NETO2: variants seen among roughly 807,000 people sequenced by gnomAD.
NETO2 encodes neuropilin and tolloid like 2.
NETO2 carries 28 observed loss-of-function variants against 62.5 expected under a neutral mutation model. That is an observed-to-expected ratio of 0.45 (90% CI 0.33 to 0.61). The LOEUF is 0.61. Ranked by LOEUF, NETO2 falls within the 20% of genes least tolerant of loss-of-function variation. NETO2 has a pLI of 0.02. For synonymous variants in NETO2, 214 were observed against 219.1 expected (o/e 0.98, Z 0.21); for missense variants, 548 against 643.2 (o/e 0.85, Z 1.60).
rs1311655269 is a variant in NETO2, at chr16:47,079,865, G to T, written c.*3356C>A. On this transcript the variant is annotated 3_prime_UTR_variant, in exon 9 of 9. Transcript: ENST00000562435. ...TTGCAATAAGAGTATAATCTCCTTT[G>T]AGAATTATTCCTGAAATCACAACCA... 1 of 152,154 alleles carries T rather than the reference G, an allele frequency of 6.6e-6. No homozygotes were observed. Among genetic ancestry groups the T allele is most frequent in the Non-Finnish European group, 1.5e-5 (1 of 68,038 alleles). 9.4% of individuals were successfully genotyped at this position (152,154 alleles called of 1,614,324 possible). A position where few individuals can be genotyped will look rare whatever the true frequency, so the allele number is the denominator to read the frequency against.
chr16:47,111,806 T>C (rs1413425229), intron 6 of NETO2, among the ~76,000 whole-genome samples: 13 of 152,194 alleles, frequency 8.5e-5, no homozygotes, highest in Admixed American at 3.9e-4. Flanking sequence ...CAACACTAAT[T>C]AGATCATCTC....
At chr16:47,115,714 C>CATATATATATATACATATATAT (rs1555498121) in intron 6 of NETO2, among the ~76,000 whole-genome samples, 1 of 128,504 alleles carries the variant, frequency 7.8e-6, no homozygotes, top group African/African-American at 3.5e-5. Context: ...TATATATATA[C>CATATATATATATACATATATAT]ATATATATAT....
chr16:47,140,499 T>C (rs1185818337), intron 1 of NETO2, among the ~76,000 whole-genome samples: 1 of 152,238 alleles, frequency 6.6e-6, no homozygotes, highest in Non-Finnish European at 1.5e-5. Context: ...GGCTTTGATT[T>C]CAACTTGTTT....
chr16:47,110,566 T>C (rs972185048), intron 6 of NETO2, among the ~76,000 whole-genome samples: 1 of 152,190 alleles, frequency 6.6e-6, no homozygotes, highest in African/African-American at 2.4e-5. Flanking sequence ...TGCGTCCTTC[T>C]CATTCCATGA....
chr16:47,135,601 A>G (rs1964349908), intron 1 of NETO2, among the ~76,000 whole-genome samples: 1 of 152,154 alleles, frequency 6.6e-6, no homozygotes, highest in Admixed American at 6.5e-5. Context: ...CTCAGATGAT[A>G]AAAGACAGGT....
At chr16:47,100,512 G>A (rs1963518357) in intron 7 of NETO2, among the ~76,000 whole-genome samples, 1 of 152,032 alleles carries the variant, frequency 6.6e-6, no homozygotes, top group African/African-American at 2.4e-5. Flanking sequence ...ATGAGTCCAG[G>A]AGCTGGTTTT....
intron 6 of NETO2, among the ~76,000 whole-genome samples, chr16:47,119,692 T>A (rs1030760159): frequency 3.9e-5 from 6 of 152,230 alleles, no homozygotes; most frequent in African/African-American, 1.2e-4. Context: ...GCAGTTTTTT[T>A]AAATGTAGTA....
At chr16:47,086,486 A>G (rs1963192899) in intron 7 of NETO2, 147 bp from the exon 8 acceptor site, 1 of 604,914 alleles carries the variant, frequency 1.7e-6, no homozygotes, top group Admixed American at 3.0e-5. Context: ...AATAAGACAA[A>G]CGTCAATATT....
At chr16:47,094,653 G>A (rs564731433) in intron 7 of NETO2, among the ~76,000 whole-genome samples, 3 of 152,004 alleles carry the variant, frequency 2.0e-5, no homozygotes, top group Admixed American at 6.6e-5. Context: ...TCTCAATCTT[G>A]TTGACCTCAT....
chr16:47,099,894 C>T (rs1300989942), intron 7 of NETO2, among the ~76,000 whole-genome samples: 1 of 152,134 alleles, frequency 6.6e-6, no homozygotes, highest in Non-Finnish European at 1.5e-5. Context: ...CAATATTAGA[C>T]AGATAACGAG....
intron 6 of NETO2, among the ~76,000 whole-genome samples, chr16:47,121,799 C>G (rs1258363726): frequency 2.0e-5 from 3 of 152,202 alleles, no homozygotes; most frequent in Non-Finnish European, 2.9e-5. Context: ...ACATCAATTT[C>G]AGTTTATTAA....
intron 7 of NETO2, among the ~76,000 whole-genome samples, chr16:47,093,989 T>C (rs369875039): frequency 8.5e-5 from 13 of 152,192 alleles, no homozygotes; most frequent in East Asian, 1.9e-4. Flanking sequence ...TTAAAATATA[T>C]GTGATGTGAA....
At chr16:47,110,862 A>G (rs1311433940) in intron 6 of NETO2, among the ~76,000 whole-genome samples, 1 of 152,058 alleles carries the variant, frequency 6.6e-6, no homozygotes, top group African/African-American at 2.4e-5. Context: ...ACAACTTACA[A>G]AATATAGCTT....
intron 7 of NETO2, among the ~76,000 whole-genome samples, chr16:47,106,059 T>C (rs560258346): frequency 6.6e-6 from 1 of 152,314 alleles, no homozygotes; most frequent in Admixed American, 6.5e-5. Context: ...CATTTACTTA[T>C]GGAATATTAT....
intron 4 of NETO2, among the ~76,000 whole-genome samples, 160 bp from the exon 5 acceptor site, chr16:47,123,072 T>C (rs916208999): frequency 3.3e-5 from 5 of 152,220 alleles, no homozygotes; most frequent in Non-Finnish European, 7.3e-5. Flanking sequence ...GCTTACAGGA[T>C]TGACATTTAT....
intron 1 of NETO2, among the ~76,000 whole-genome samples, chr16:47,141,563 G>A (rs763957063): frequency 6.6e-6 from 1 of 151,746 alleles, no homozygotes; most frequent in Non-Finnish European, 1.5e-5. Context: ...TTCCGTATTA[G>A]AATCAACTAC....
chr16:47,107,133 TTCACA>T (rs1441460936), intron 7 of NETO2, among the ~76,000 whole-genome samples: 4 of 152,196 alleles, frequency 2.6e-5, no homozygotes, highest in Non-Finnish European at 5.9e-5. Flanking sequence ...AATGCTGTCC[TTCACA>T]TAAGAAAAAA....
At chr16:47,113,391 T>C (rs1963842066) in intron 6 of NETO2, among the ~76,000 whole-genome samples, 6 of 152,258 alleles carry the variant, frequency 3.9e-5, no homozygotes, top group Admixed American at 3.3e-4. Flanking sequence ...TCATCCCTGG[T>C]AAGCAATGAT....
At position 47,122,883 on chromosome 16, in the gene NETO2, A is replaced by T; in HGVS notation, c.511T>A (p.Leu171Ile). Residue 171 changes from leucine to isoleucine, a missense_variant, in exon 5 of 9, where the codon TTA becomes ATA. Transcript: ENST00000562435. ...DPDFTYLGGI[L>I]NPIPDCQFEL... ...TATACTAAACCTGGAATGGGATTTA[A>T]AATACCTCCTAGGTAAGTAAAGTCT... 6.2e-7 allele frequency: 1 copy of T among 1,613,934 alleles called. No homozygotes were observed. The highest frequency in any genetic ancestry group is 8.5e-7 in the Non-Finnish European group (1 of 1,179,864).
Sources: allele counts gnomAD v4.1 joint callset (sites outside exome capture counted in the v4.1 genomes callset), GRCh38; gene constraint gnomAD v4.1.1; transcripts MANE v1.5; gene names NCBI Gene and HGNC (gene_info 2026-07-23, HGNC 2026-07-21).